The following MRS2 variants were observed in gnomAD, a reference collection of about 807,000 sequenced individuals.
MRS2 encodes the protein magnesium transporter MRS2 homolog, mitochondrial.
Under a neutral mutation model 52.6 loss-of-function variants are expected in MRS2, and 40 were observed. That is an observed-to-expected ratio of 0.76 (90% CI 0.59 to 0.99). The LOEUF is 0.99. MRS2 is among the 50% of genes least tolerant of loss of function. The pLI is 0.00. For synonymous variants in MRS2, 193 were observed against 195.9 expected (o/e 0.98, Z 0.13); for missense variants, 472 against 532.7 (o/e 0.89, Z 1.12).
At chr6:24,416,965 A>G (rs1761874336) in intron 7 of MRS2, among the ~76,000 whole-genome samples, 1 of 152,216 alleles carries the variant, frequency 6.6e-6, no homozygotes, top group African/African-American at 2.4e-5. Flanking sequence ...GAAATTGTTT[A>G]TGCTTCTTGT....
intron 7 of MRS2, among the ~76,000 whole-genome samples, chr6:24,417,683 C>T (rs1403882000): frequency 6.6e-6 from 1 of 151,998 alleles, no homozygotes; most frequent in Non-Finnish European, 1.5e-5. Context: ...GTGGCTCATG[C>T]CTGTAATCCC....
chr6:24,420,130 A>G (rs1211221344), intron 9 of MRS2, among the ~76,000 whole-genome samples: 1 of 152,224 alleles, frequency 6.6e-6, no homozygotes, highest in African/African-American at 2.4e-5. Context: ...CGACTTGTCC[A>G]TCTTGTGGGT....
chr6:24,404,123 C>T (rs934132209), intron 1 of MRS2, among the ~76,000 whole-genome samples: 8 of 152,162 alleles, frequency 5.3e-5, no homozygotes, highest in African/African-American at 1.9e-4. Flanking sequence ...TCTCAAAAGC[C>T]TCCCAAAGTA....
Position 24,403,218 on chromosome 6 carries a change from G to A in MRS2, c.172G>A (p.Asp58Asn). ...CCGAGCGGCGCAGCTTTGCGGGCCCGACCGGCTCCGCGTGGCAGGTACTGC... is the reference window on the plus strand; with the variant it reads ...CCGAGCGGCGCAGCTTTGCGGGCCCAACCGGCTCCGCGTGGCAGGTACTGC... ...RSRAAQLCGP[D>N]RLRVAGEVHR... The change falls in exon 1 of 11, where the codon GAC (aspartate) becomes AAC (asparagine). Residue 58 changes from aspartate to asparagine, a missense_variant. Asp to Asn is a conservative substitution (Grantham distance 23). Coordinates refer to ENST00000378386, the MANE Select transcript of MRS2 (RefSeq NM_020662.4). 1 of 1,598,484 alleles carries A rather than the reference G, an allele frequency of 6.3e-7. No individual in the cohort carries two copies. Among genetic ancestry groups the A allele is most frequent in the Non-Finnish European group, 8.5e-7 (1 of 1,178,482 alleles).
chr6:24,405,621 G>T (rs1351730328), intron 2 of MRS2, among the ~76,000 whole-genome samples: 1 of 151,818 alleles, frequency 6.6e-6, no homozygotes, highest in Non-Finnish European at 1.5e-5. Flanking sequence ...AATGGTTCGG[G>T]GGTGGGGATG....
In MRS2 at chr6:24,416,524, A is replaced by G. The variant is rs1761855832; in HGVS notation, c.836+11A>G. The G allele has an allele frequency of 1.6e-6, 2 of 1,244,536 alleles. No individual in the cohort carries two copies. Among genetic ancestry groups the G allele is most frequent in the Admixed American group, 1.9e-5 (1 of 52,056 alleles). The allele number at this position is 1,244,536 out of a possible 1,614,324, so 77.1% of individuals were successfully genotyped here. ...TGACCCACAAGTCTTGTAAGTATAT[A>G]ATTATACTTTGTTATTTATTTCCTT... On this transcript the variant is annotated intron_variant, in intron 7 of 10. Transcript: ENST00000378386.
At chr6:24,423,409 T>TAGA (rs746283192) in intron 10 of MRS2, 175 bp from the exon 11 acceptor site, 7 of 493,328 alleles carry the variant, frequency 1.4e-5, no homozygotes, top group Non-Finnish European at 2.5e-5. Context: ...TCTTAAAAGA[T>TAGA]AGAAAATTCA....
chr6:24,412,564 G>T (rs1214336228), intron 5 of MRS2, among the ~76,000 whole-genome samples, 169 bp downstream of exon 5: 1 of 152,074 alleles, frequency 6.6e-6, no homozygotes, highest in Admixed American at 6.5e-5. Context: ...ATTCTTAAAT[G>T]TTATGACCCA....
chr6:24,423,761 T>C lies in MRS2; in HGVS notation c.*67T>C. 1 of 733,414 alleles carries C rather than the reference T, an allele frequency of 1.4e-6. No individual in the cohort carries two copies. Among genetic ancestry groups the C allele is most frequent in the Non-Finnish European group, 2.2e-6 (1 of 450,196 alleles). The allele number at this position is 733,414 out of a possible 1,614,324, so 45.4% of individuals were successfully genotyped here. A position where few individuals can be genotyped will look rare whatever the true frequency, so the allele number is the denominator to read the frequency against. ...CAGGAAACTTCTGATACTCTTTTTA[T>C]TATTTTCTTGTATAGAGTCAGACAC... On this transcript the variant is annotated 3_prime_UTR_variant, in exon 11 of 11. Coordinates refer to ENST00000378386, the MANE Select transcript of MRS2 (RefSeq NM_020662.4).
At position 24,412,381 on chromosome 6, in the gene MRS2, C is replaced by T. The variant is rs1259304210; in HGVS notation, c.574C>T (p.Leu192Phe). 1.3e-6 allele frequency: 2 copies of T among 1,558,306 alleles called. No homozygotes were observed. The highest frequency in any genetic ancestry group is 2.3e-5 in the East Asian group (1 of 42,978). Residue 192 changes from leucine (L) to phenylalanine (F), a missense_variant, in exon 5 of 11, where the codon CTC becomes TTC. By Grantham distance (22) the Leu-to-Phe change is conservative. Coordinates refer to ENST00000378386, the MANE Select transcript of MRS2 (RefSeq NM_020662.4). ...LPFEFRAIEA[L>F]LQYWINTLQG... ...TTTTGAGTTTAGAGCTATAGAAGCA[C>T]TCCTGCAATATTGGGTAAGTCTGTT...
chr6:24,417,011 A>G (rs1761875510), intron 7 of MRS2, among the ~76,000 whole-genome samples: 1 of 145,540 alleles, frequency 6.9e-6, no homozygotes, highest in African/African-American at 2.7e-5. Flanking sequence ...TTAAATACCC[A>G]AATATTTTGT....
intron 4 of MRS2, 32 bp downstream of exon 4, chr6:24,409,605 C>T: frequency 7.5e-7 from 1 of 1,329,842 alleles, no homozygotes; most frequent in Non-Finnish European, 1.1e-6. Flanking sequence ...TATGTTTCTC[C>T]AATACAATCT....
intron 5 of MRS2, 36 bp from the exon 6 acceptor site, chr6:24,414,997 G>A: frequency 5.8e-6 from 9 of 1,538,802 alleles, no homozygotes; most frequent in Non-Finnish European, 8.0e-6. Flanking sequence ...TAAAAAGATT[G>A]TTTTAATTCT....
At chr6:24,410,003 T>C (rs1048594006) in intron 4 of MRS2, among the ~76,000 whole-genome samples, 13 of 152,228 alleles carry the variant, frequency 8.5e-5, no homozygotes, top group African/African-American at 2.7e-4. Flanking sequence ...TTAATTTTTT[T>C]TTTGAGATGG....
intron 5 of MRS2, among the ~76,000 whole-genome samples, chr6:24,414,746 C>T (rs979647619): frequency 3.3e-5 from 5 of 152,168 alleles, no homozygotes; most frequent in East Asian, 1.9e-4. Flanking sequence ...TGCCCCTCAC[C>T]TCCCGGACGG....
Position 24,423,022 on chromosome 6 carries a change from G to T in MRS2, c.1193G>T (p.Arg398Leu). 1 of 1,613,946 alleles carries T rather than the reference G, an allele frequency of 6.2e-7. No homozygotes were observed. Among genetic ancestry groups the T allele is most frequent in the South Asian group, 1.1e-5 (1 of 91,062 alleles). The part of the protein sequence containing the change: ...IWRRLLSFLG[R>L]QLEAPLPPMM... ...AGGCGCCTGCTTTCATTCCTTGGAC[G>T]ACAGCTAGAAGCTCCATTGCCTCCT... is the stretch of plus-strand genomic sequence containing the variant. The change falls in exon 10 of 11, where the codon CGA becomes CTA. Residue 398 changes from arginine to leucine, a missense_variant. Arg to Leu is a moderately radical substitution (Grantham distance 102, BLOSUM62 -2). Coordinates refer to ENST00000378386, the MANE Select transcript of MRS2 (RefSeq NM_020662.4).
intron 1 of MRS2, among the ~76,000 whole-genome samples, chr6:24,404,724 A>G (rs1400572736): frequency 6.6e-6 from 1 of 152,262 alleles, no homozygotes; most frequent in East Asian, 1.9e-4. Context: ...GAGCCAGTCA[A>G]CTGGAATGCT....
At position 24,423,567 on chromosome 6, in the gene MRS2, A is replaced by T. The variant is rs764913450; in HGVS notation, c.1222-17A>T. The T allele has an allele frequency of 2.1e-5, 29 of 1,414,216 alleles. No homozygotes were observed. Among genetic ancestry groups the T allele is most frequent in the Non-Finnish European group, 2.9e-5 (29 of 1,012,350 alleles). 87.6% of individuals were successfully genotyped at this position (1,414,216 alleles called of 1,614,324 possible). A position where few individuals can be genotyped will look rare whatever the true frequency, so the allele number is the denominator to read the frequency against. On this transcript the variant is annotated splice_polypyrimidine_tract_variant and intron_variant, in intron 10 of 10. Coordinates refer to ENST00000378386, the MANE Select transcript of MRS2 (RefSeq NM_020662.4). Reference sequence around the variant, plus strand: ...TTTTAAAAAAGATACTAAAATTAATACTTCTGCTTTATTTAGATGGCTTCT... The same window carrying T: ...TTTTAAAAAAGATACTAAAATTAATTCTTCTGCTTTATTTAGATGGCTTCT...
intron 1 of MRS2, among the ~76,000 whole-genome samples, 175 bp downstream of exon 1, chr6:24,403,411 C>T (rs999541728): frequency 7.9e-5 from 12 of 152,228 alleles, no homozygotes; most frequent in Non-Finnish European, 5.9e-5. Context: ...CCCACTCGCT[C>T]AGAATGCGAC....
Sources: allele counts gnomAD v4.1 joint callset (sites outside exome capture counted in the v4.1 genomes callset), GRCh38; gene constraint gnomAD v4.1.1; transcripts MANE v1.5; gene names NCBI Gene and HGNC (gene_info 2026-07-23, HGNC 2026-07-21).